Variants in PTPRD observed in about 807,000 individuals in gnomAD.
PTPRD encodes receptor-type tyrosine-protein phosphatase delta.
A neutral mutation model predicts 214.5 loss-of-function variants in PTPRD; 34 were observed. That is an observed-to-expected ratio of 0.16 (90% CI 0.12 to 0.21). The LOEUF is 0.21. PTPRD is among the 10% of genes least tolerant of loss of function. PTPRD has a pLI of 1.00. For synonymous variants in PTPRD, 1,128 were observed against 845.7 expected, an observed-to-expected ratio of 1.33 and a Z score of -5.79; for missense variants, 2,545 against 2,398.7, an observed-to-expected ratio of 1.06 and a Z score of -1.27.
At chr9:10,535,118 G>A (rs762940167) in intron 2 of PTPRD, among the ~76,000 whole-genome samples, 1 of 152,066 alleles carries the variant, frequency 6.6e-6, no homozygotes, top group Non-Finnish European at 1.5e-5. Context: ...TGACTAATGT[G>A]AAGAAACATA....
At chr9:9,603,717 C>G (rs935342178) in intron 7 of PTPRD, among the ~76,000 whole-genome samples, 2 of 152,092 alleles carry the variant, frequency 1.3e-5, no homozygotes, top group African/African-American at 2.4e-5. Flanking sequence ...GAAACTATCC[C>G]CACCATGTGT....
At chr9:8,901,081 T>C (rs1305490046) in intron 11 of PTPRD, among the ~76,000 whole-genome samples, 4 of 152,064 alleles carry the variant, frequency 2.6e-5, no homozygotes, top group African/African-American at 9.7e-5. Context: ...AAGAAGGGCA[T>C]TTGAACAGTT....
chr9:9,230,495 A>G (rs2099962429), intron 9 of PTPRD, among the ~76,000 whole-genome samples: 1 of 152,116 alleles, frequency 6.6e-6, no homozygotes, highest in South Asian at 2.1e-4. Context: ...GAAATCCCCA[A>G]TTTATAGCTA....
At chr9:8,456,938 T>A (rs1591031270) in intron 33 of PTPRD, among the ~76,000 whole-genome samples, 1 of 152,332 alleles carries the variant, frequency 6.6e-6, no homozygotes, top group East Asian at 1.9e-4. Context: ...AGTTTATTTT[T>A]AAATGTTTAT....
At chr9:8,329,478 A>G (rs1017831976) in intron 44 of PTPRD, among the ~76,000 whole-genome samples, 5 of 152,132 alleles carry the variant, frequency 3.3e-5, no homozygotes, top group Non-Finnish European at 5.9e-5. Flanking sequence ...TCACCCAGTC[A>G]GGATACATGG....
chr9:10,134,071 C>T (rs1592019334), intron 3 of PTPRD, among the ~76,000 whole-genome samples: 1 of 152,028 alleles, frequency 6.6e-6, no homozygotes, highest in African/African-American at 2.4e-5. Context: ...TACTCCAGGC[C>T]ATGGGTGCCA....
chr9:9,797,315 T>A (rs537962416), intron 5 of PTPRD, among the ~76,000 whole-genome samples: 2 of 150,438 alleles, frequency 1.3e-5, no homozygotes, highest in South Asian at 2.1e-4. Context: ...TTCAAATTTT[T>A]AAAAAAATTA....
intron 7 of PTPRD, among the ~76,000 whole-genome samples, chr9:9,581,998 T>C (rs1432574186): frequency 6.6e-6 from 1 of 152,182 alleles, no homozygotes; most frequent in African/African-American, 2.4e-5. Context: ...TTATTGCCAC[T>C]TCAAAAGCTA....
rs528534947 is a variant in PTPRD, at chr9:10,452,363, G to A, written c.-599-111346C>T. Among the ~76,000 whole-genome samples the A allele has an allele frequency of 6.6e-5, 10 of 151,334 alleles. No individual in the cohort carries two copies. The South Asian group carries it at 1.0e-3, about 16-fold the overall frequency. On this transcript the variant is annotated intron_variant, in intron 2 of 45. Coordinates refer to ENST00000381196, the MANE Select transcript of PTPRD (RefSeq NM_002839.4). ...TTTAAGAGTGATTGATGGATTTTAC[G>A]GTAACTCTATTTTTATTTTTTTTTG...
chr9:8,393,719 T>G (rs2090306667), intron 36 of PTPRD, among the ~76,000 whole-genome samples: 3 of 152,122 alleles, frequency 2.0e-5, no homozygotes, highest in Non-Finnish European at 2.9e-5. Flanking sequence ...AACAGTGATG[T>G]CAATAGTTGT....
chr9:9,141,772 CAT>C (rs2099860856), intron 10 of PTPRD, among the ~76,000 whole-genome samples: 3 of 150,838 alleles, frequency 2.0e-5, no homozygotes, highest in African/African-American at 7.3e-5. Flanking sequence ...TTAATATAAA[CAT>C]ATTCATATAT....
chr9:9,026,157 T>C (rs540259), intron 10 of PTPRD, among the ~76,000 whole-genome samples: 80,700 of 151,482 alleles, frequency 0.53, 21,850 homozygotes, highest in African/African-American at 0.6. Flanking sequence ...TAATTTGAGC[T>C]GAGATCTTAA....
At chr9:9,478,566 T>C (rs1049578678) in intron 8 of PTPRD, among the ~76,000 whole-genome samples, 7 of 152,186 alleles carry the variant, frequency 4.6e-5, no homozygotes, top group African/African-American at 1.4e-4. Context: ...TAAACAGATC[T>C]TGCCACACAT....
intron 2 of PTPRD, among the ~76,000 whole-genome samples, chr9:10,586,604 A>G (rs2073964115): frequency 6.6e-6 from 1 of 152,114 alleles, no homozygotes; most frequent in Admixed American, 6.6e-5. Context: ...ATGTTCTTAT[A>G]TGTCTTTCAT....
chr9:10,447,327 C>G (rs1034804302), intron 2 of PTPRD, among the ~76,000 whole-genome samples: 5 of 151,932 alleles, frequency 3.3e-5, no homozygotes, highest in Admixed American at 3.3e-4. Flanking sequence ...TTAGGTTAAC[C>G]ACGTCCTCTG....
At chr9:8,372,977 A>C (rs1327062468) in intron 39 of PTPRD, among the ~76,000 whole-genome samples, 3 of 152,022 alleles carry the variant, frequency 2.0e-5, no homozygotes, top group Non-Finnish European at 2.9e-5. Flanking sequence ...ATAGAAAAAA[A>C]GTTTAGTACA....
intron 5 of PTPRD, among the ~76,000 whole-genome samples, chr9:9,774,144 C>T (rs1017760181): frequency 6.6e-6 from 1 of 152,102 alleles, no homozygotes; most frequent in South Asian, 2.1e-4. Context: ...ATCAAGAGTT[C>T]CAGGTCACAG....
At chr9:9,716,839 A>C (rs2154429597) in intron 7 of PTPRD, among the ~76,000 whole-genome samples, 2 of 151,798 alleles carry the variant, frequency 1.3e-5, no homozygotes, top group African/African-American at 4.8e-5. Flanking sequence ...TGCTGTGCAG[A>C]AGCTCTTTAG....
At chr9:10,326,019 T>G (rs1334129055) in intron 3 of PTPRD, among the ~76,000 whole-genome samples, 1 of 151,834 alleles carries the variant, frequency 6.6e-6, no homozygotes, top group East Asian at 1.9e-4. Context: ...AAAGATATGT[T>G]TGTCCAAACC....
Sources: gnomAD v4.1 joint callset for allele counts (sites outside exome capture counted in the v4.1 genomes callset) on GRCh38, gnomAD v4.1.1 for gene constraint, MANE v1.5 for transcripts, NCBI Gene and HGNC (gene_info 2026-07-23, HGNC 2026-07-21) for gene names.